Variants in RANBP2 observed in about 807,000 individuals in gnomAD.
RANBP2 encodes the protein E3 SUMO-protein ligase RanBP2.
In RANBP2, 57 loss-of-function variants were observed where a neutral mutation model predicts 303.6. The observed-to-expected ratio is 0.19, with a 90% CI of 0.15 to 0.23. The LOEUF is 0.23. Ranked by LOEUF, RANBP2 falls within the 10% of genes least tolerant of loss-of-function variation. RANBP2 has a pLI of 1.00. For synonymous variants in RANBP2, 1,167 were observed against 1,301.5 expected, an observed-to-expected ratio of 0.90 and a Z score of 2.23; for missense variants, 3,138 against 3,780.8, an observed-to-expected ratio of 0.83 and a Z score of 4.46.
At chr2:109,544,993 T>C in the RANBP2 span, 1 of 985,430 alleles carries the variant, frequency 1.0e-6, no homozygotes, top group South Asian at 4.7e-5. Context: ...GCCAAAGTCC[T>C]GTGGTTTACT....
At chr2:109,285,043 T>G in the RANBP2 span, among the ~76,000 whole-genome samples, 1 of 152,142 alleles carries the variant, frequency 6.6e-6, no homozygotes, top group East Asian at 1.9e-4. Context: ...GGGCCTCTGC[T>G]CCATGGCCGG....
At chr2:108,811,466 G>A in the RANBP2 span, among the ~76,000 whole-genome samples, 4 of 151,814 alleles carry the variant, frequency 2.6e-5, no homozygotes, top group African/African-American at 7.3e-5. Flanking sequence ...GGCTGGTCTT[G>A]AACTGGGCTC....
the RANBP2 span, among the ~76,000 whole-genome samples, chr2:109,098,194 G>A: frequency 3.9e-5 from 6 of 152,260 alleles, no homozygotes; most frequent in Admixed American, 2.0e-4. Context: ...GCCTGCTCTG[G>A]CTAACCCACA....
the RANBP2 span, among the ~76,000 whole-genome samples, chr2:109,412,863 T>C: frequency 6.6e-6 from 1 of 152,230 alleles, no homozygotes; most frequent in African/African-American, 2.4e-5. Flanking sequence ...AATACACGTA[T>C]CACTGTCAGA....
chr2:109,581,958 T>C, the RANBP2 span, among the ~76,000 whole-genome samples: 1 of 152,160 alleles, frequency 6.6e-6, no homozygotes, highest in Non-Finnish European at 1.5e-5. Flanking sequence ...TGAACTGATA[T>C]ACAACTTCAG....
At chr2:108,998,843 A>C in the RANBP2 span, among the ~76,000 whole-genome samples, 1 of 152,138 alleles carries the variant, frequency 6.6e-6, no homozygotes, top group African/African-American at 2.4e-5. Flanking sequence ...AGCCTGGCTC[A>C]GGCCCCCAGG....
the RANBP2 span, among the ~76,000 whole-genome samples, chr2:108,979,448 G>GTCTCTCTCTCTCTCTCTCTTTCTCTC: frequency 7.1e-6 from 1 of 140,236 alleles, no homozygotes; most frequent in Non-Finnish European, 1.5e-5. Context: ...CTCTCTCTCT[G>GTCTCTCTCTCTCTCTCTCTTTCTCTC]TCTCTGTCTC....
the RANBP2 span, among the ~76,000 whole-genome samples, chr2:109,664,262 A>T: frequency 1.3e-5 from 2 of 152,330 alleles, no homozygotes; most frequent in Admixed American, 1.3e-4. Context: ...ACTCACCTTA[A>T]ATGTTACCAG....
At chr2:109,571,212 G>GT in the RANBP2 span, among the ~76,000 whole-genome samples, 1 of 152,186 alleles carries the variant, frequency 6.6e-6, no homozygotes, top group Non-Finnish European at 1.5e-5. Context: ...CTAAGGAACT[G>GT]TAAGTCAATT....
At chr2:109,174,319 T>C in the RANBP2 span, among the ~76,000 whole-genome samples, 1 of 152,180 alleles carries the variant, frequency 6.6e-6, no homozygotes, top group African/African-American at 2.4e-5. Flanking sequence ...GGAACAGACA[T>C]GTGGGGATGC....
the RANBP2 span, among the ~76,000 whole-genome samples, chr2:108,886,401 C>A: frequency 2.0e-5 from 3 of 152,014 alleles, no homozygotes; most frequent in Non-Finnish European, 4.4e-5. Context: ...AATGTCTATT[C>A]ATGTCCTTTG....
At chr2:109,209,007 A>C in the RANBP2 span, among the ~76,000 whole-genome samples, 1 of 152,178 alleles carries the variant, frequency 6.6e-6, no homozygotes, top group Admixed American at 6.5e-5. Flanking sequence ...ATCAACACGG[A>C]CATATGGACC....
the RANBP2 span, among the ~76,000 whole-genome samples, chr2:109,577,332 C>G: frequency 6.6e-6 from 1 of 152,144 alleles, no homozygotes; most frequent in East Asian, 1.9e-4. Context: ...CATGGTGGCT[C>G]ACTGTAATTC....
the RANBP2 span, among the ~76,000 whole-genome samples, chr2:108,829,211 A>T: frequency 6.6e-6 from 1 of 152,306 alleles, no homozygotes; most frequent in East Asian, 1.9e-4. Flanking sequence ...AATGGGAGGA[A>T]ATATTAGCAA....
the RANBP2 span, among the ~76,000 whole-genome samples, chr2:109,427,452 C>T: frequency 6.6e-6 from 1 of 152,120 alleles, no homozygotes; most frequent in Non-Finnish European, 1.5e-5. Flanking sequence ...CACGAGTATC[C>T]CACAGGTATG....
At chr2:108,828,649 A>T in the RANBP2 span, among the ~76,000 whole-genome samples, 1 of 152,214 alleles carries the variant, frequency 6.6e-6, no homozygotes, top group Non-Finnish European at 1.5e-5. Flanking sequence ...CCCTCATGCA[A>T]CAAAATGAGT....
At chr2:108,865,309 A>G in the RANBP2 span, among the ~76,000 whole-genome samples, 2 of 152,214 alleles carry the variant, frequency 1.3e-5, no homozygotes, top group Admixed American at 6.5e-5. Flanking sequence ...ATAACCGTAT[A>G]CAAAACTTAA....
the RANBP2 span, among the ~76,000 whole-genome samples, chr2:109,387,190 A>G: frequency 6.6e-6 from 1 of 152,208 alleles, no homozygotes; most frequent in Non-Finnish European, 1.5e-5. Flanking sequence ...ATTGCGCTGT[A>G]TCAGTATTTC....
chr2:109,193,654 G>A, the RANBP2 span, among the ~76,000 whole-genome samples: 1 of 152,046 alleles, frequency 6.6e-6, no homozygotes, highest in Non-Finnish European at 1.5e-5. Flanking sequence ...ATGAGTTGAT[G>A]GACATTTGAG....
Sources: allele counts gnomAD v4.1 joint callset (sites outside exome capture counted in the v4.1 genomes callset), GRCh38; gene constraint gnomAD v4.1.1; transcripts MANE v1.5; gene names NCBI Gene and HGNC (gene_info 2026-07-23, HGNC 2026-07-21).